The following ADPRHL1 variants were observed in gnomAD, a reference collection of about 807,000 sequenced individuals.
ADPRHL1 encodes inactive ADP-ribosyltransferase ARH2.
ADPRHL1 carries 43 observed loss-of-function variants against 44.1 expected under a neutral mutation model. The observed-to-expected ratio is 0.98, with a 90% CI of 0.76 to 1.26. The LOEUF (loss-of-function observed/expected upper bound fraction) is 1.26. Ranked by LOEUF, ADPRHL1 falls within the 50% of genes most tolerant of loss-of-function variation. The probability of loss-of-function intolerance (pLI) is 0.00; values close to 1 mark genes in which losing one functional copy is unlikely to be tolerated. For missense variants in ADPRHL1, 2,022 were observed against 2,496.9 expected (o/e 0.81, Z 4.05); for synonymous variants, 878 against 1,017.4 (o/e 0.86, Z 2.61).
At chr13:113,449,579 C>T (rs934451610) in intron 1 of ADPRHL1, among the ~76,000 whole-genome samples, 2 of 151,920 alleles carry the variant, frequency 1.3e-5, no homozygotes, top group African/African-American at 4.8e-5. Flanking sequence ...AAGGAGGCAG[C>T]CCGGTTCAGA....
At position 113,403,361 on chromosome 13, in the gene ADPRHL1, G is replaced by A. The variant is rs915501836; in HGVS notation, c.*17C>T. The stretch of plus-strand genomic sequence containing the variant: ...GATGTCACAGTGCTGGGCGAGCCAC[G>A]GTGTGTACTCGGGGCCTCACTTTGG... On this transcript the variant is annotated 3_prime_UTR_variant, in exon 8 of 8. Transcript: ENST00000612156. 1.9e-5 allele frequency: 24 copies of A among 1,231,816 alleles called. No homozygotes were observed. In the African/African-American group the frequency reaches 2.5e-4, roughly 13 times the overall value. The allele number at this position is 1,231,816 out of a possible 1,614,324, so 76.3% of individuals were successfully genotyped here.
rs2043819407 is a variant in ADPRHL1 at position 113,407,681 on chromosome 13, G to A, written c.1601C>T (p.Ala534Val). Residue 534 changes from alanine to valine, a missense_variant, in exon 8 of 8, where the codon GCC (alanine) becomes GTC (valine). By Grantham distance (64) the Ala-to-Val change is moderately conservative. Around this residue, in one of 8 missense-constraint regions of ADPRHL1, gnomAD observed 1,221 missense variants for 1,517.8 expected, o/e 0.80. Coordinates refer to ENST00000612156, the MANE Select transcript of ADPRHL1 (RefSeq NM_001394807.1). ...CATGATCTTCGGCAAGAGGCCCCTG[G>A]CGGCTTTGGGCCGCTCCACAGGGGG... is the stretch of plus-strand genomic sequence containing the variant. ...EKPPVERPKA[A>V]RGLLPKIMGK... The A allele has an allele frequency of 8.1e-7, 1 of 1,232,062 alleles. No individual in the cohort carries two copies. The highest frequency in any genetic ancestry group is 1.0e-6 in the Non-Finnish European group (1 of 988,004). The allele number at this position is 1,232,062 out of a possible 1,614,324, so 76.3% of individuals were successfully genotyped here.
At chr13:113,421,665 C>T (rs1163175872) in intron 7 of ADPRHL1, among the ~76,000 whole-genome samples, 1 of 152,222 alleles carries the variant, frequency 6.6e-6, no homozygotes, top group Non-Finnish European at 1.5e-5. Flanking sequence ...CCACCAGCCT[C>T]TCTTGCCAGT....
chr13:113,429,437 C>T (rs533444075), intron 3 of ADPRHL1, among the ~76,000 whole-genome samples: 10 of 152,360 alleles, frequency 6.6e-5, no homozygotes, highest in Non-Finnish European at 7.3e-5. Flanking sequence ...CCCTTTGTGG[C>T]GGGCGTGTTC....
At chr13:113,413,517 G>C (rs1011072707) in intron 7 of ADPRHL1, among the ~76,000 whole-genome samples, 26 of 152,238 alleles carry the variant, frequency 1.7e-4, no homozygotes, top group African/African-American at 6.0e-4. Flanking sequence ...GGGGCTCTGC[G>C]TGTCTCCCGA....
rs188572392 is a variant in ADPRHL1 at position 113,419,218 on chromosome 13, C to T, written c.1061+3608G>A. On this transcript the variant is annotated intron_variant, in intron 7 of 7. Transcript: ENST00000612156. ...ACCTCTCAGGCTCTGGCAATCCTCC[C>T]ACCTCAGTCTCCCAAGGAGCTGGGA... Among the ~76,000 whole-genome samples the T allele has an allele frequency of 1.3e-3, 188 of 147,792 alleles. 1 individual carries two copies. Among genetic ancestry groups the T allele is most frequent in the South Asian group, 7.6e-3 (34 of 4,496 alleles).
intron 7 of ADPRHL1, among the ~76,000 whole-genome samples, chr13:113,418,761 GA>G (rs1414374920): frequency 2.6e-5 from 4 of 152,104 alleles, no homozygotes; most frequent in Non-Finnish European, 5.9e-5. Flanking sequence ...TTCAGGCTGA[GA>G]ATGGGCATAT....
rs2043800118 is a variant in ADPRHL1 at position 113,405,366 on chromosome 13, G to A, written c.3916C>T (p.Arg1306Cys). 4.9e-6 allele frequency: 6 copies of A among 1,231,842 alleles called. No individual in the cohort carries two copies. The highest frequency in any genetic ancestry group is 4.0e-6 in the Non-Finnish European group (4 of 988,040). 76.3% of individuals were successfully genotyped at this position (1,231,842 alleles called of 1,614,324 possible). A position where few individuals can be genotyped will look rare whatever the true frequency, so the allele number is the denominator to read the frequency against. The change falls in exon 8 of 8, where the codon CGT (arginine) becomes TGT (cysteine). Residue 1306 changes from arginine (R) to cysteine (C), a missense_variant. By Grantham distance (180) the Arg-to-Cys change is radical. Transcript: ENST00000612156. ...AGCAGATGGTCAGGCTCCGCCCCAC[G>A]GGGAAACCTGACGCCCTCCCTGCCC... The part of the protein sequence containing the change: ...AKGREGVRFP[R>C]GAEPDHLLPA...
At chr13:113,435,172 C>G (rs1392097219) in intron 2 of ADPRHL1, among the ~76,000 whole-genome samples, 1 of 44,382 alleles carries the variant, frequency 2.3e-5, no homozygotes, top group African/African-American at 7.5e-5. Flanking sequence ...CATAGGTGTA[C>G]CCTGTGACCC....
At chr13:113,435,303 T>G (rs1289435140) in intron 2 of ADPRHL1, among the ~76,000 whole-genome samples, 5 of 68,454 alleles carry the variant, frequency 7.3e-5, no homozygotes, top group Admixed American at 1.7e-4. Flanking sequence ...GTGTACCCTG[T>G]GACCCAGCAC....
Position 113,406,138 on chromosome 13 carries a change from C to T in ADPRHL1, c.3144G>A (p.Gly1048=), listed in dbSNP as rs1372485673. ...APTSLAASSK[G]RTGPEGVTPM... ...GGGTGACACCCTCAGGCCCCGTACG[C>T]CCCTTGGATGATGCCGCCAGTGACG... Residue 1048 remains glycine (G), a synonymous_variant, in exon 8 of 8, where the codon GGG becomes GGA. Coordinates refer to ENST00000612156, the MANE Select transcript of ADPRHL1 (RefSeq NM_001394807.1). The T allele has an allele frequency of 6.5e-6, 8 of 1,232,024 alleles. No individual in the cohort carries two copies. Among genetic ancestry groups the T allele is most frequent in the Non-Finnish European group, 8.1e-6 (8 of 988,008 alleles). The allele number at this position is 1,232,024 out of a possible 1,614,324, so 76.3% of individuals were successfully genotyped here.
chr13:113,434,681 C>T (rs2044035333), intron 2 of ADPRHL1, among the ~76,000 whole-genome samples: 2 of 142,474 alleles, frequency 1.4e-5, no homozygotes, highest in Non-Finnish European at 3.1e-5. Flanking sequence ...CGGGACCCGG[C>T]ACCCAGGTGT....
Position 113,403,413 on chromosome 13 carries a change from C to T in ADPRHL1, c.5869G>A (p.Val1957Ile), listed in dbSNP as rs911111497. Residue 1957 changes from valine to isoleucine, a missense_variant, in exon 8 of 8, where the codon GTC (valine) becomes ATC (isoleucine). Around this residue, in one of 8 missense-constraint regions of ADPRHL1, gnomAD observed 205 missense variants for 250.1 expected, o/e 0.82. Coordinates refer to ENST00000612156, the MANE Select transcript of ADPRHL1 (RefSeq NM_001394807.1). ...AFDLSFRPMSVRASDTSELPK is the reference protein window; with the variant it reads ...AFDLSFRPMSIRASDTSELPK ...AGCTCAGACGTGTCGCTGGCCCTGA[C>T]GCTCATTGGTCTGAAGGACAAATCG... 3.6e-5 allele frequency: 44 copies of T among 1,232,106 alleles called. No individual in the cohort carries two copies. Among genetic ancestry groups the T allele is most frequent in the African/African-American group, 2.6e-4 (17 of 64,514 alleles). 76.3% of individuals were successfully genotyped at this position (1,232,106 alleles called of 1,614,324 possible).
intron 1 of ADPRHL1, among the ~76,000 whole-genome samples, chr13:113,446,445 G>A (rs1272639012): frequency 6.6e-6 from 1 of 152,236 alleles, no homozygotes; most frequent in African/African-American, 2.4e-5. Flanking sequence ...GGCCTCTGAA[G>A]AGAGGGGCAG....
chr13:113,412,784 A>G lies in ADPRHL1; in HGVS notation c.1062-4564T>C, dbSNP rs78338447. ...CCCACCGCCAACAGCGCCCCGCAGA[A>G]CTCGGTTCACCCACCGCCAACAGCA... On this transcript the variant is annotated intron_variant, in intron 7 of 7. Coordinates refer to ENST00000612156, the MANE Select transcript of ADPRHL1 (RefSeq NM_001394807.1). Among the ~76,000 whole-genome samples, 352 of 79,062 alleles carry G rather than the reference A, an allele frequency of 4.5e-3. 2 individuals are homozygous for G. Among genetic ancestry groups the G allele is most frequent in the African/African-American group, 9.9e-3 (210 of 21,172 alleles). The allele number at this position is 79,062 out of a possible 152,430, so 51.9% of individuals were successfully genotyped here.
chr13:113,437,651 T>C (rs1366935807), intron 2 of ADPRHL1, among the ~76,000 whole-genome samples: 1 of 152,230 alleles, frequency 6.6e-6, no homozygotes, highest in Non-Finnish European at 1.5e-5. Flanking sequence ...TTCCTTTTTA[T>C]GGCTGAATAG....
At chr13:113,448,381 G>T (rs760082919) in intron 1 of ADPRHL1, among the ~76,000 whole-genome samples, 1 of 142,586 alleles carries the variant, frequency 7.0e-6, no homozygotes, top group African/African-American at 2.7e-5. Flanking sequence ...CAGGAGAATC[G>T]CTTGAACTCA....
At position 113,437,401 on chromosome 13, in the gene ADPRHL1, C is replaced by T. The variant is rs190084475; in HGVS notation, c.380-3534G>A. On this transcript the variant is annotated intron_variant, in intron 2 of 7. Coordinates refer to ENST00000612156, the MANE Select transcript of ADPRHL1 (RefSeq NM_001394807.1). The stretch of plus-strand genomic sequence containing the variant: ...GCGCAGGGTGAACACAGGTGTACCC[C>T]GGGACCCAGCACCCAGGTGCAGAGT... 5.3e-5 allele frequency among the ~76,000 whole-genome samples: 8 copies of T among 152,120 alleles called. No homozygotes were observed. The East Asian group carries it at 9.7e-4, about 18-fold the overall frequency.
In ADPRHL1 at chr13:113,453,208, G is replaced by C; in HGVS notation, c.214+16C>G. ...CCCTCCAGCCCGCACACCGGAGCGC[G>C]GTGGGCCCAGCCTACCTGTGGTGAG... On this transcript the variant is annotated intron_variant, in intron 1 of 7. Transcript: ENST00000612156. The surrounding 1 kb of genome is among the most constrained non-coding windows in gnomAD (Gnocchi z 5.4). 1.2e-6 allele frequency: 2 copies of C among 1,613,764 alleles called. No individual in the cohort carries two copies. The highest frequency in any genetic ancestry group is 1.7e-6 in the Non-Finnish European group (2 of 1,179,908).
Sources: gnomAD v4.1 joint callset for allele counts (sites outside exome capture counted in the v4.1 genomes callset) on GRCh38, gnomAD v4.1.1 for gene constraint, gnomAD v4.1.1 regional missense constraint, Gnocchi (gnomAD v3.1) non-coding constraint, MANE v1.5 for transcripts, NCBI Gene and HGNC (gene_info 2026-07-23, HGNC 2026-07-21) for gene names.